ZNF148: variants seen among roughly 807,000 people sequenced by gnomAD.
ZNF148 encodes Beta-Enolase Repressor Factor-1.
Under a neutral mutation model 67.7 loss-of-function variants are expected in ZNF148, and 7 were observed. The ratio of observed to expected loss-of-function variants is 0.10; its 90% CI spans 0.06 to 0.19. The LOEUF (loss-of-function observed/expected upper bound fraction) is 0.19, where lower values mean the gene tolerates loss of function less well. Among genes scored for constraint, ZNF148 ranks in the 10% least tolerant of loss-of-function variants. The pLI is 1.00. For synonymous variants in ZNF148, 333 were observed against 330.7 expected, an observed-to-expected ratio of 1.01 and a Z score of -0.08; for missense variants, 583 against 947.1, an observed-to-expected ratio of 0.62 and a Z score of 5.05.
intron 7 of ZNF148, among the ~76,000 whole-genome samples, chr3:125,238,012 A>G (rs957694431): frequency 1.3e-5 from 2 of 152,194 alleles, no homozygotes; most frequent in African/African-American, 4.8e-5. Flanking sequence ...TTTTCTAAAA[A>G]GGTGCCAAGG....
chr3:125,253,859 A>G (rs1444923215), intron 7 of ZNF148, among the ~76,000 whole-genome samples: 1 of 152,184 alleles, frequency 6.6e-6, no homozygotes, highest in Non-Finnish European at 1.5e-5. Flanking sequence ...TAAGACAGAA[A>G]TAGGTCTGCA....
intron 7 of ZNF148, among the ~76,000 whole-genome samples, chr3:125,247,263 T>C (rs1179367962): frequency 6.6e-6 from 1 of 152,168 alleles, no homozygotes; most frequent in Non-Finnish European, 1.5e-5. Flanking sequence ...TTTGCCCATT[T>C]TGTAAAATAA....
chr3:125,302,070 A>T (rs1268261868), intron 4 of ZNF148, among the ~76,000 whole-genome samples: 1 of 150,634 alleles, frequency 6.6e-6, no homozygotes, highest in Non-Finnish European at 1.5e-5. Flanking sequence ...ATCTCAAAAA[A>T]ATAAATAAAT....
chr3:125,340,834 A>G (rs1311701303), intron 1 of ZNF148, among the ~76,000 whole-genome samples: 2 of 151,492 alleles, frequency 1.3e-5, no homozygotes, highest in African/African-American at 4.9e-5. Flanking sequence ...AAAATACAAA[A>G]AAAATTAGCC....
Position 125,329,212 on chromosome 3 carries a change from A to G in ZNF148, c.-153+1946T>C, listed in dbSNP as rs182532072. Among the ~76,000 whole-genome samples the G allele has an allele frequency of 4.4e-3, 654 of 149,298 alleles. 5 individuals carry two copies. Among genetic ancestry groups the G allele is most frequent in the African/African-American group, 0.015 (605 of 41,014 alleles). ...TCAGAAGATATGGAAAAACACATATATATCTGTAGTATAAATATATGTATA... is the reference window on the plus strand; with the variant it reads ...TCAGAAGATATGGAAAAACACATATGTATCTGTAGTATAAATATATGTATA... On this transcript the variant is annotated intron_variant, in intron 2 of 8. Coordinates refer to ENST00000360647, the MANE Select transcript of ZNF148 (RefSeq NM_021964.3).
At chr3:125,348,955 CAAGAAAGG>C (rs1559774531) in intron 1 of ZNF148, among the ~76,000 whole-genome samples, 3 of 152,098 alleles carry the variant, frequency 2.0e-5, no homozygotes, top group Admixed American at 6.5e-5. Context: ...AACTGATCTT[CAAGAAAGG>C]TGCCAAGAAT....
At chr3:125,243,308 T>C (rs918054712) in intron 7 of ZNF148, among the ~76,000 whole-genome samples, 1 of 152,232 alleles carries the variant, frequency 6.6e-6, no homozygotes, top group African/African-American at 2.4e-5. Context: ...TGTGTGGCTA[T>C]ACAAAGGGTA....
intron 1 of ZNF148, among the ~76,000 whole-genome samples, chr3:125,353,047 T>C (rs1942210613): frequency 6.6e-6 from 1 of 152,180 alleles, no homozygotes; most frequent in Non-Finnish European, 1.5e-5. Flanking sequence ...AATCCCACTC[T>C]TGGGCTTTTA....
chr3:125,238,968 AT>A (rs1936220363), intron 7 of ZNF148, among the ~76,000 whole-genome samples: 1 of 152,254 alleles, frequency 6.6e-6, no homozygotes, highest in Admixed American at 6.5e-5. Context: ...ACATGAGTGA[AT>A]CTTGAAGACA....
intron 5 of ZNF148, among the ~76,000 whole-genome samples, chr3:125,283,587 C>T (rs1938505194): frequency 6.6e-6 from 1 of 152,018 alleles, no homozygotes; most frequent in Non-Finnish European, 1.5e-5. Context: ...AAATAAAACT[C>T]TATTATTTTG....
intron 7 of ZNF148, among the ~76,000 whole-genome samples, chr3:125,240,381 C>T (rs187906485): frequency 7.7e-4 from 117 of 152,174 alleles, no homozygotes; most frequent in Non-Finnish European, 7.4e-5. Flanking sequence ...CTGGAGAAAA[C>T]CCATGTTTAA....
intron 7 of ZNF148, among the ~76,000 whole-genome samples, chr3:125,242,730 T>C (rs1165379617): frequency 6.6e-6 from 1 of 152,236 alleles, no homozygotes; most frequent in African/African-American, 2.4e-5. Flanking sequence ...CTTTTGTTTT[T>C]TCAGATGGCT....
Position 125,233,010 on chromosome 3 carries a change from T to C in ZNF148, c.1716A>G (p.Ser572=). ...VADTEVTSSI[S]INSSEVPEVT... ...CCTCTGGTACTTCTGAAGAATTTAT[T>C]GATATGCTAGAAGTCACTTCAGTAT... is the stretch of plus-strand genomic sequence containing the variant. The change falls in exon 9 of 9, where the codon TCA becomes TCG. Residue 572 remains serine, a synonymous_variant. Coordinates refer to ENST00000360647, the MANE Select transcript of ZNF148 (RefSeq NM_021964.3). This position sits in a 1 kb window ranked among gnomAD's most constrained non-coding sequence, Gnocchi z 5.1. 1.2e-6 allele frequency: 2 copies of C among 1,613,722 alleles called. No individual in the cohort carries two copies. Among genetic ancestry groups the C allele is most frequent in the African/African-American group, 1.3e-5 (1 of 75,044 alleles).
rs182869317 is a variant in ZNF148 at position 125,255,638 on chromosome 3, C to G, written c.668-21309G>C. ...TCTTTTAGTGTGAGACTGCTGGGAA[C>G]AAATTTACTCAGTTTTTCTTCACCT... On this transcript the variant is annotated intron_variant, in intron 7 of 8. Transcript: ENST00000360647. 7.9e-5 allele frequency among the ~76,000 whole-genome samples: 12 copies of G among 152,024 alleles called. No homozygotes were observed. In the East Asian group the frequency reaches 2.3e-3, roughly 29 times the overall value.
chr3:125,298,659 C>G (rs1244173764), intron 4 of ZNF148, among the ~76,000 whole-genome samples: 1 of 124,144 alleles, frequency 8.1e-6, no homozygotes. Context: ...GAGTCTCACT[C>G]TGTCGCCCAG....
chr3:125,318,885 C>T (rs1001089102), intron 3 of ZNF148, among the ~76,000 whole-genome samples: 2 of 152,138 alleles, frequency 1.3e-5, no homozygotes, highest in South Asian at 2.1e-4. Flanking sequence ...CCCCCGCTTC[C>T]ATGATTTATT....
chr3:125,264,735 C>A (rs1937492853), intron 7 of ZNF148, among the ~76,000 whole-genome samples: 1 of 152,132 alleles, frequency 6.6e-6, no homozygotes, highest in Admixed American at 6.5e-5. Context: ...CCATTTCATT[C>A]AATTTTCAGT....
chr3:125,236,655 T>C (rs936342368), intron 7 of ZNF148, among the ~76,000 whole-genome samples: 4 of 152,204 alleles, frequency 2.6e-5, no homozygotes, highest in Non-Finnish European at 4.4e-5. Flanking sequence ...CTTTCAGGAA[T>C]GTAACTTCAG....
At chr3:125,249,365 G>A (rs1166658279) in intron 7 of ZNF148, among the ~76,000 whole-genome samples, 1 of 152,114 alleles carries the variant, frequency 6.6e-6, no homozygotes, top group Non-Finnish European at 1.5e-5. Flanking sequence ...CAAAGGACCT[G>A]AATATACATT....
Sources: gnomAD v4.1 joint callset for allele counts (sites outside exome capture counted in the v4.1 genomes callset) on GRCh38, gnomAD v4.1.1 for gene constraint, Gnocchi (gnomAD v3.1) non-coding constraint, MANE v1.5 for transcripts, NCBI Gene and HGNC (gene_info 2026-07-23, HGNC 2026-07-21) for gene names.